The following N4BP2 variants were observed in gnomAD, a reference collection of about 807,000 sequenced individuals.
The protein encoded by N4BP2 is NEDD4 binding protein 2.
A neutral mutation model predicts 152.8 loss-of-function variants in N4BP2; 91 were observed. The ratio of observed to expected loss-of-function variants is 0.60; its 90% CI spans 0.50 to 0.71. N4BP2 has a LOEUF of 0.71. N4BP2 is among the 30% of genes least tolerant of loss of function. The pLI, the probability that N4BP2 is intolerant of heterozygous loss-of-function variation, is 0.00. For synonymous variants in N4BP2, 646 were observed against 705.3 expected (o/e 0.92, Z 1.33); for missense variants, 1,923 against 2,059.1 (o/e 0.93, Z 1.28).
intron 12 of N4BP2, among the ~76,000 whole-genome samples, chr4:40,127,546 C>G (rs541128665): frequency 6.6e-6 from 1 of 152,120 alleles, no homozygotes; most frequent in South Asian, 2.1e-4. Context: ...TAATATTTAC[C>G]TCTATTTTTT....
At chr4:40,142,376 A>G (rs1377824482) in intron 14 of N4BP2, 2 of 311,372 alleles carry the variant, frequency 6.4e-6, no homozygotes, top group Admixed American at 4.2e-5. Context: ...TTTGAGACTG[A>G]ACTCGCCTCT....
intron 1 of N4BP2, among the ~76,000 whole-genome samples, chr4:40,060,184 A>T (rs1327048555): frequency 6.6e-6 from 1 of 151,410 alleles, no homozygotes; most frequent in Admixed American, 6.6e-5. Flanking sequence ...GCCCTCCAGA[A>T]ATTATTTTAT....
chr4:40,091,270 T>A (rs961202689), intron 2 of N4BP2, among the ~76,000 whole-genome samples: 3 of 152,118 alleles, frequency 2.0e-5, no homozygotes, highest in Admixed American at 2.0e-4. Flanking sequence ...TTTTCTCTTA[T>A]TTCATGAGCT....
intron 16 of N4BP2, among the ~76,000 whole-genome samples, chr4:40,150,649 C>G (rs185347122): frequency 1.4e-5 from 2 of 145,472 alleles, no homozygotes; most frequent in African/African-American, 5.2e-5. Flanking sequence ...TCAACCTGGG[C>G]AACAGAGTGA....
At chr4:40,134,403 G>A (rs1719169400) in intron 13 of N4BP2, among the ~76,000 whole-genome samples, 1 of 151,980 alleles carries the variant, frequency 6.6e-6, no homozygotes, top group South Asian at 2.1e-4. Flanking sequence ...TTCTGGGGAT[G>A]GTCAGTGATT....
At chr4:40,171,585 T>TC in the N4BP2 span, among the ~76,000 whole-genome samples, 8 of 151,428 alleles carry the variant, frequency 5.3e-5, no homozygotes, top group African/African-American at 2.0e-4. Flanking sequence ...TTGGAGGTAT[T>TC]CTTTACAGAA....
chr4:40,101,971 C>G, intron 3 of N4BP2, 104 bp from the exon 4 acceptor site: 1 of 676,594 alleles, frequency 1.5e-6, no homozygotes. Flanking sequence ...ATATTCTGTT[C>G]AATGCAAAAT....
At chr4:40,083,523 G>A (rs1288747055) in intron 2 of N4BP2, among the ~76,000 whole-genome samples, 1 of 152,170 alleles carries the variant, frequency 6.6e-6, no homozygotes, top group Non-Finnish European at 1.5e-5. Context: ...TACCAATACA[G>A]GCTACAACAT....
chr4:40,089,142 C>T (rs1254212752), intron 2 of N4BP2, among the ~76,000 whole-genome samples: 1 of 151,136 alleles, frequency 6.6e-6, no homozygotes, highest in Non-Finnish European at 1.5e-5. Context: ...TTCATAGAGA[C>T]AGGGTCTCAC....
chr4:40,087,566 T>G (rs1714099892), intron 2 of N4BP2, among the ~76,000 whole-genome samples: 1 of 151,786 alleles, frequency 6.6e-6, no homozygotes, highest in Non-Finnish European at 1.5e-5. Flanking sequence ...GGTTTTGCCA[T>G]GTTGCGTAGG....
chr4:40,098,614 G>A (rs1225210459), intron 3 of N4BP2, among the ~76,000 whole-genome samples: 1 of 152,118 alleles, frequency 6.6e-6, no homozygotes, highest in Admixed American at 6.6e-5. Flanking sequence ...TGTGGTCTGC[G>A]AGCATATCTT....
intron 7 of N4BP2, among the ~76,000 whole-genome samples, chr4:40,115,044 C>T (rs1453081033): frequency 6.6e-6 from 1 of 152,170 alleles, no homozygotes; most frequent in South Asian, 2.1e-4. Flanking sequence ...TTTATTTGAA[C>T]TCCATCGTAA....
At chr4:40,126,102 G>T in intron 11 of N4BP2, 32 bp from the exon 12 acceptor site, 1 of 1,252,064 alleles carries the variant, frequency 8.0e-7, no homozygotes, top group South Asian at 1.9e-5. Flanking sequence ...ATTTATTGTT[G>T]AGAGTATGAC....
At chr4:40,093,433 G>C (rs1312158522) in intron 2 of N4BP2, among the ~76,000 whole-genome samples, 1 of 151,232 alleles carries the variant, frequency 6.6e-6, no homozygotes, top group Non-Finnish European at 1.5e-5. Context: ...TTGAGACAGA[G>C]TCTTGCCGTG....
Position 40,097,358 on chromosome 4 carries a change from A to G in N4BP2, c.18A>G (p.Lys6=). The change falls in exon 3 of 18, where the codon AAA becomes AAG. Residue 6 remains lysine, a synonymous_variant. Coordinates refer to ENST00000261435, the MANE Select transcript of N4BP2 (RefSeq NM_018177.6). MPRRR[K]NLGGNPFRKT... ...AAGTCAGAATGCCAAGGAGAAGGAA[A>G]AATCTTGGGGGAAATCCTTTTCGGA... 6.2e-7 allele frequency: 1 copy of G among 1,613,262 alleles called. No homozygotes were observed. The highest frequency in any genetic ancestry group is 8.5e-7 in the Non-Finnish European group (1 of 1,179,330).
At chr4:40,090,583 C>T (rs2109937644) in intron 2 of N4BP2, among the ~76,000 whole-genome samples, 1 of 152,258 alleles carries the variant, frequency 6.6e-6, no homozygotes, top group Middle Eastern at 3.4e-3. Context: ...CGTTCAACGT[C>T]ATTCTGTTAT....
At chr4:40,161,958 G>A (rs1483941370), downstream of N4BP2, among the ~76,000 whole-genome samples, 2 of 152,148 alleles carry the variant, frequency 1.3e-5, no homozygotes, top group Non-Finnish European at 2.9e-5. Context: ...TGCCACAGCT[G>A]TCTCTTAACC....
chr4:40,147,977 C>T (rs560887506), intron 16 of N4BP2, among the ~76,000 whole-genome samples: 5 of 148,668 alleles, frequency 3.4e-5, no homozygotes, highest in Middle Eastern at 3.7e-3. Flanking sequence ...GGATGGCAGC[C>T]GGGAAGAGGC....
chr4:40,172,117 A>T, the N4BP2 span, among the ~76,000 whole-genome samples: 12,825 of 152,164 alleles, frequency 0.084, 767 homozygotes, highest in East Asian at 0.25. Context: ...CATGTTGGCC[A>T]GACTAGTCTC....
Sources: allele counts gnomAD v4.1 joint callset (sites outside exome capture counted in the v4.1 genomes callset), GRCh38; gene constraint gnomAD v4.1.1; transcripts MANE v1.5; gene names NCBI Gene and HGNC (gene_info 2026-07-23, HGNC 2026-07-21).